ARHGAP6: variants seen among roughly 807,000 people sequenced by gnomAD.
ARHGAP6 encodes Rho GTPase activating protein 6, also known as rho GTPase-activating protein 6.
In ARHGAP6, 16 loss-of-function variants were observed where a neutral mutation model predicts 55.7. The observed-to-expected ratio is 0.29, with a 90% confidence interval of 0.19 to 0.44. The LOEUF is 0.44. Ranked by LOEUF, ARHGAP6 falls within the 20% of genes least tolerant of loss-of-function variation. ARHGAP6 has a pLI of 1.00. For synonymous variants in ARHGAP6, 382 were observed against 360.9 expected (o/e 1.06, Z -0.66); for missense variants, 698 against 808.9 (o/e 0.86, Z 1.66).
chrX:11,649,325 C>T (rs935084301), intron 1 of ARHGAP6, among the ~76,000 whole-genome samples: 1 of 111,950 alleles, frequency 8.9e-6, no homozygotes, highest in Non-Finnish European at 1.9e-5. Flanking sequence ...CATGCAGAGC[C>T]AAAGAACTAC....
chrX:11,370,972 A>G (rs960673930), intron 1 of ARHGAP6, among the ~76,000 whole-genome samples: 2 of 112,238 alleles, frequency 1.8e-5, no homozygotes, highest in African/African-American at 6.5e-5. Context: ...TGGAGGGCCT[A>G]CTTATAGAAA....
intron 2 of ARHGAP6, among the ~76,000 whole-genome samples, chrX:11,212,771 C>T (rs1208160694): frequency 9.0e-6 from 1 of 111,650 alleles, no homozygotes; most frequent in African/African-American, 3.3e-5. Context: ...TAAATTCAGC[C>T]ACAAAATTAC....
At chrX:11,154,689 A>G (rs2045840133) in intron 10 of ARHGAP6, among the ~76,000 whole-genome samples, 1 of 111,985 alleles carries the variant, frequency 8.9e-6, no homozygotes, top group Admixed American at 9.5e-5. Context: ...TCTTTTCTGT[A>G]CAAGGGAGGG....
intron 10 of ARHGAP6, among the ~76,000 whole-genome samples, chrX:11,149,114 T>A (rs1036777992): frequency 1.8e-5 from 2 of 112,057 alleles, no homozygotes; most frequent in African/African-American, 3.3e-5. Context: ...TTTGGTGAAA[T>A]TTTTCCCCTC....
intron 1 of ARHGAP6, among the ~76,000 whole-genome samples, chrX:11,299,913 G>A (rs1226075646): frequency 1.8e-5 from 2 of 111,700 alleles, no homozygotes; most frequent in Non-Finnish European, 3.8e-5. Context: ...GGAAAATGAC[G>A]AAATCAGATT....
intron 1 of ARHGAP6, among the ~76,000 whole-genome samples, chrX:11,575,355 T>A (rs996038807): frequency 8.9e-6 from 1 of 111,775 alleles, no homozygotes; most frequent in African/African-American, 3.3e-5. Context: ...GTTCAGTTTG[T>A]TTTTTCCAGC....
At chrX:11,495,039 A>G (rs2050608443) in intron 1 of ARHGAP6, among the ~76,000 whole-genome samples, 1 of 112,164 alleles carries the variant, frequency 8.9e-6, no homozygotes, top group South Asian at 3.7e-4. Context: ...TCAGTAATAG[A>G]GAACCTCAGG....
intron 1 of ARHGAP6, among the ~76,000 whole-genome samples, chrX:11,366,068 C>T (rs971178461): frequency 3.6e-5 from 4 of 111,763 alleles, no homozygotes; most frequent in Admixed American, 9.6e-5. Context: ...GAGCCCCACT[C>T]TCATGAATTC....
rs1485080895 is a variant in ARHGAP6 at position 11,519,437 on chromosome X, T to C, written c.588+144804A>G. Among the ~76,000 whole-genome samples, 7 of 107,588 alleles carry C rather than the reference T, an allele frequency of 6.5e-5. No individual in the cohort carries two copies. In the South Asian group the frequency reaches 2.8e-3, roughly 42 times the overall value. 93.4% of individuals were successfully genotyped at this position (107,588 alleles called of 115,157 possible). On this transcript the variant is annotated intron_variant, in intron 1 of 12. Transcript: ENST00000337414. ...TTTTGGCTGCATAAATGTCTTCTTT[T>C]GAGAAGTGTCTGTTCATGTCCTTCG...
chrX:11,174,590 C>CTTTA (rs2046157241), intron 8 of ARHGAP6, among the ~76,000 whole-genome samples: 1 of 63,990 alleles, frequency 1.6e-5, no homozygotes, highest in Non-Finnish European at 3.2e-5. Context: ...TTCTTTCTTT[C>CTTTA]TTTTTCTTTC....
intron 1 of ARHGAP6, among the ~76,000 whole-genome samples, chrX:11,505,048 T>C (rs1178916300): frequency 9.0e-6 from 1 of 111,101 alleles, no homozygotes; most frequent in Non-Finnish European, 1.9e-5. Context: ...ATTTTCCCCG[T>C]AAAGACCAAC....
At position 11,178,226 on chromosome X, in the gene ARHGAP6, C is replaced by T. The variant is rs1325933353; in HGVS notation, c.1503G>A (p.Leu501=). Residue 501 remains leucine (L), a synonymous_variant, in exon 8 of 13, where the codon CTG becomes CTA. Transcript: ENST00000337414. Reference sequence around the variant, plus strand: ...GGTATATGAGGAGCTGCAAGGTGCCCAGCTGTTCCTCCGGCTCCAACACTA... The same window carrying T: ...GGTATATGAGGAGCTGCAAGGTGCCTAGCTGTTCCTCCGGCTCCAACACTA... ...NTLLLEPEEQ[L]GTLQLLIYLL... 8.3e-7 allele frequency: 1 copy of T among 1,206,009 alleles called. No individual in the cohort carries two copies. The highest frequency in any genetic ancestry group is 1.1e-6 in the Non-Finnish European group (1 of 893,504).
chrX:11,283,796 G>T (rs2047889535), intron 1 of ARHGAP6, among the ~76,000 whole-genome samples: 1 of 111,302 alleles, frequency 9.0e-6, no homozygotes, highest in African/African-American at 3.3e-5. Context: ...AAATGGAAAA[G>T]TCAAGAAAAA....
At chrX:11,412,792 C>T (rs774225894) in intron 1 of ARHGAP6, among the ~76,000 whole-genome samples, 3 of 112,222 alleles carry the variant, frequency 2.7e-5, no homozygotes, top group Admixed American at 9.4e-5. Flanking sequence ...ATATTGTTCC[C>T]GAATTGTCTT....
rs1351016085 is a variant in ARHGAP6 at position 11,568,744 on chromosome X, G to A, written c.588+95497C>T. Among the ~76,000 whole-genome samples, 4 of 98,552 alleles carry A rather than the reference G, an allele frequency of 4.1e-5. No individual in the cohort carries two copies. The East Asian group carries it at 1.3e-3, about 31-fold the overall frequency. The allele number at this position is 98,552 out of a possible 115,157, so 85.6% of individuals were successfully genotyped here. A position where few individuals can be genotyped will look rare whatever the true frequency, so the allele number is the denominator to read the frequency against. ...TGCACTCCAGCCTGGGCGACAAAGT[G>A]AGATACTATCTCAAAAAAAAAAAAA... On this transcript the variant is annotated intron_variant, in intron 1 of 12. Transcript: ENST00000337414.
chrX:11,182,635 C>CTTTTTTTTTTTTTTTTTT (rs1043810466), intron 5 of ARHGAP6, among the ~76,000 whole-genome samples: 4 of 83,129 alleles, frequency 4.8e-5, no homozygotes, highest in Non-Finnish European at 9.5e-5. Context: ...TTCCTTTTTT[C>CTTTTTTTTTTTTTTTTTT]TTTTTTTTTT....
intron 5 of ARHGAP6, among the ~76,000 whole-genome samples, chrX:11,182,829 T>C (rs2046335827): frequency 9.2e-6 from 1 of 109,084 alleles, no homozygotes; most frequent in Non-Finnish European, 1.9e-5. Context: ...AGAGACAGGG[T>C]TTTGCCATGT....
chrX:11,415,750 T>A (rs926266625), intron 1 of ARHGAP6, among the ~76,000 whole-genome samples: 1 of 112,019 alleles, frequency 8.9e-6, no homozygotes, highest in Non-Finnish European at 1.9e-5. Context: ...TCTTGTGCCT[T>A]TGTCATTGCT....
At chrX:11,388,751 C>T (rs2049364630) in intron 1 of ARHGAP6, among the ~76,000 whole-genome samples, 1 of 111,741 alleles carries the variant, frequency 8.9e-6, no homozygotes, top group Non-Finnish European at 1.9e-5. Context: ...AGGAAAGGAT[C>T]CAGTTTCAGC....
Sources: allele counts gnomAD v4.1 joint callset (sites outside exome capture counted in the v4.1 genomes callset), GRCh38; gene constraint gnomAD v4.1.1; transcripts MANE v1.5; gene names NCBI Gene and HGNC (gene_info 2026-07-23, HGNC 2026-07-21).